MYO18B: variants seen among roughly 807,000 people sequenced by gnomAD.
MYO18B encodes unconventional myosin-XVIIIb.
MYO18B carries 204 observed loss-of-function variants against 273.0 expected under a neutral mutation model. That is an observed-to-expected ratio of 0.75 (90% CI 0.67 to 0.84). The LOEUF (loss-of-function observed/expected upper bound fraction) is 0.84. Among genes scored for constraint, MYO18B ranks in the 40% least tolerant of loss-of-function variants. The probability of loss-of-function intolerance (pLI) is 0.00; values close to 1 mark genes in which losing one functional copy is unlikely to be tolerated. For synonymous variants in MYO18B, 1,330 were observed against 1,305.7 expected, an observed-to-expected ratio of 1.02 and a Z score of -0.40; for missense variants, 3,212 against 3,287.6, an observed-to-expected ratio of 0.98 and a Z score of 0.56.
chr22:25,970,043 C>T (rs1165395611), intron 39 of MYO18B, among the ~76,000 whole-genome samples: 1 of 152,070 alleles, frequency 6.6e-6, no homozygotes, highest in Admixed American at 6.6e-5. Context: ...GCATCACCTC[C>T]ATTGTTACCA....
chr22:25,745,472 G>GACAC (rs3068433), intron 1 of MYO18B, among the ~76,000 whole-genome samples: 17,585 of 145,914 alleles, frequency 0.12, 1,256 homozygotes, highest in East Asian at 0.32. Context: ...CTCTCTCTCT[G>GACAC]ACACACACAC....
At chr22:25,842,295 G>A (rs116706044) in intron 17 of MYO18B, among the ~76,000 whole-genome samples, 165 of 152,308 alleles carry the variant, frequency 1.1e-3, no homozygotes, top group African/African-American at 3.9e-3. Context: ...ATGCAAGTAC[G>A]TTGGCAATAG....
chr22:26,027,432 G>A lies in MYO18B; in HGVS notation c.7458G>A (p.Ser2486=), dbSNP rs749136375. ...ETEEANRSFL[S]GIKTILKKSP... The stretch of plus-strand genomic sequence containing the variant: ...AAGAGGCTAACCGTTCCTTTCTCTC[G>A]GGGATCAAGACCATTTTGAAGAAGA... The change falls in exon 43 of 44, where the codon TCG becomes TCA. Residue 2486 remains serine (S), a synonymous_variant. Transcript: ENST00000335473. This position sits in a 1 kb window ranked among gnomAD's most constrained non-coding sequence, Gnocchi z 4.1. 6.8e-6 allele frequency: 11 copies of A among 1,613,786 alleles called. No homozygotes were observed. Among genetic ancestry groups the A allele is most frequent in the East Asian group, 2.2e-5 (1 of 44,890 alleles).
Position 26,031,001 on chromosome 22 carries a change from A to T in MYO18B, c.*571A>T, listed in dbSNP as rs1450359995. ...TCAAGAAACTGATGAATGATGAATG[A>T]ATGAATGAGCCAAAGAACAAATAAA... On this transcript the variant is annotated 3_prime_UTR_variant, in exon 44 of 44. Coordinates refer to ENST00000335473, the MANE Select transcript of MYO18B (RefSeq NM_032608.7). 2.5e-6 allele frequency: 1 copy of T among 398,414 alleles called. No homozygotes were observed. The highest frequency in any genetic ancestry group is 3.6e-5 in the East Asian group (1 of 28,088). The allele number at this position is 398,414 out of a possible 1,614,324, so 24.7% of individuals were successfully genotyped here. A position where few individuals can be genotyped will look rare whatever the true frequency, so the allele number is the denominator to read the frequency against.
At chr22:25,929,756 C>T (rs2092471561) in intron 34 of MYO18B, among the ~76,000 whole-genome samples, 2 of 152,110 alleles carry the variant, frequency 1.3e-5, no homozygotes, top group African/African-American at 4.8e-5. Context: ...AATGCATCCC[C>T]CGTCTCTCTC....
rs1601645831 is a variant in MYO18B at position 25,772,225 on chromosome 22, A to G, written c.1693-109A>G. 7 of 978,600 alleles carry G rather than the reference A, an allele frequency of 7.2e-6. No individual in the cohort carries two copies. In the Admixed American group the frequency reaches 2.1e-4, roughly 29 times the overall value. The allele number at this position is 978,600 out of a possible 1,614,324, so 60.6% of individuals were successfully genotyped here. A position where few individuals can be genotyped will look rare whatever the true frequency, so the allele number is the denominator to read the frequency against. ...TGCTCTGTTCTGGTCTTTGGCACAT[A>G]GCTCTCAAGAGGAGGGCTTAGTGTG... is the stretch of plus-strand genomic sequence containing the variant. On this transcript the variant is annotated intron_variant, in intron 6 of 43. Coordinates refer to ENST00000335473, the MANE Select transcript of MYO18B (RefSeq NM_032608.7).
chr22:25,950,303 G>A, intron 36 of MYO18B, 64 bp from the exon 37 acceptor site: 2 of 1,393,942 alleles, frequency 1.4e-6, no homozygotes, highest in Non-Finnish European at 9.8e-7. Context: ...TTTCAGGGGT[G>A]GTTTCCCAGC....
At chr22:25,941,428 T>G (rs985418968) in intron 34 of MYO18B, among the ~76,000 whole-genome samples, 98 of 152,320 alleles carry the variant, frequency 6.4e-4, no homozygotes, top group African/African-American at 2.1e-3. Flanking sequence ...TACTACCCAC[T>G]GCTCTCTGAT....
intron 42 of MYO18B, among the ~76,000 whole-genome samples, chr22:26,017,472 G>A (rs945957199): frequency 6.7e-6 from 1 of 149,156 alleles, no homozygotes; most frequent in Non-Finnish European, 1.5e-5. Context: ...AAATAGTTTC[G>A]CATCTTTCTT....
chr22:25,898,235 T>A, intron 28 of MYO18B, 72 bp from the exon 29 acceptor site: 1 of 1,522,522 alleles, frequency 6.6e-7, no homozygotes, highest in East Asian at 2.3e-5. Flanking sequence ...AAATAGCAAC[T>A]CCTTGAAATA....
chr22:25,947,721 C>G lies in MYO18B; in HGVS notation c.5641C>G (p.Gln1881Glu), dbSNP rs757780976. Reference sequence around the variant, plus strand: ...GATCTGCCTCCCCCAGGTGGATGAGCAGCTGTACAGGCTGCAGTTTGAGAA... The same window carrying G: ...GATCTGCCTCCCCCAGGTGGATGAGGAGCTGTACAGGCTGCAGTTTGAGAA... ...MTRNKSLVDEQLYRLQFEKAD... is the reference protein window; with the variant it reads ...MTRNKSLVDEELYRLQFEKAD... Residue 1881 changes from glutamine (Q) to glutamate (E), a missense_variant, in exon 36 of 44, where the codon CAG (glutamine) becomes GAG (glutamate). By Grantham distance (29) the Gln-to-Glu change is conservative. Transcript: ENST00000335473. 8.1e-6 allele frequency: 13 copies of G among 1,613,242 alleles called. No homozygotes were observed. Among genetic ancestry groups the G allele is most frequent in the Non-Finnish European group, 9.3e-6 (11 of 1,179,686 alleles).
At chr22:25,917,169 G>A (rs1156296651) in intron 33 of MYO18B, among the ~76,000 whole-genome samples, 2 of 152,052 alleles carry the variant, frequency 1.3e-5, no homozygotes, top group East Asian at 1.9e-4. Flanking sequence ...CATTACATAC[G>A]AATATAAAAG....
chr22:26,058,889 T>C, the MYO18B span, among the ~76,000 whole-genome samples: 12 of 152,148 alleles, frequency 7.9e-5, no homozygotes, highest in Non-Finnish European at 1.6e-4. Flanking sequence ...GGAATTCCTT[T>C]ATAGCAACAC....
chr22:25,860,459 T>G (rs1423380415), intron 21 of MYO18B, among the ~76,000 whole-genome samples: 1 of 135,618 alleles, frequency 7.4e-6, no homozygotes, highest in East Asian at 2.4e-4. Context: ...TTCAAAATCC[T>G]TCTCCTCTTC....
At chr22:25,953,082 G>C (rs976568501) in intron 38 of MYO18B, among the ~76,000 whole-genome samples, 7 of 152,224 alleles carry the variant, frequency 4.6e-5, no homozygotes, top group African/African-American at 1.7e-4. Context: ...GCTGAACCTT[G>C]AAGGACAGGT....
rs1022031695 is a variant in MYO18B, at chr22:26,000,558, C to A, written c.6288-2707C>A. Among the ~76,000 whole-genome samples, 4 of 150,872 alleles carry A rather than the reference C, an allele frequency of 2.7e-5. No homozygotes were observed. In the Admixed American group the frequency reaches 2.7e-4, roughly 10 times the overall value. ...TCTCAGGAGCAGACAGTACAAAGCT[C>A]CCCACTGCTTCTGCCTGAAAGCCTT... On this transcript the variant is annotated intron_variant, in intron 40 of 43. Transcript: ENST00000335473.
At chr22:25,815,010 A>G (rs1185268910) in intron 12 of MYO18B, among the ~76,000 whole-genome samples, 1 of 152,202 alleles carries the variant, frequency 6.6e-6, no homozygotes, top group Non-Finnish European at 1.5e-5. Flanking sequence ...ACTGAATTGC[A>G]GGGTTCATAC....
intron 42 of MYO18B, among the ~76,000 whole-genome samples, chr22:26,013,130 T>A (rs1261864355): frequency 6.6e-6 from 1 of 152,078 alleles, no homozygotes; most frequent in African/African-American, 2.4e-5. Flanking sequence ...GCATCTACAC[T>A]GTTGCATGTA....
At chr22:25,774,594 C>T (rs2086846853) in intron 7 of MYO18B, among the ~76,000 whole-genome samples, 1 of 152,198 alleles carries the variant, frequency 6.6e-6, no homozygotes, top group Admixed American at 6.5e-5. Flanking sequence ...GGCACTGGTC[C>T]GCACCCTTCC....
Sources: allele counts gnomAD v4.1 joint callset (sites outside exome capture counted in the v4.1 genomes callset), GRCh38; gene constraint gnomAD v4.1.1; non-coding constraint Gnocchi (gnomAD v3.1); transcripts MANE v1.5; gene names NCBI Gene and HGNC (gene_info 2026-07-23, HGNC 2026-07-21).